Variants in CRHBP observed in about 807,000 individuals in gnomAD.
The protein encoded by CRHBP is corticotropin-releasing hormone-binding protein.
CRHBP carries 19 observed loss-of-function variants against 34.9 expected under a neutral mutation model. That is an observed-to-expected ratio of 0.55 (90% CI 0.38 to 0.80). The LOEUF is 0.80. Ranked by LOEUF, CRHBP falls within the 30% of genes least tolerant of loss-of-function variation. The pLI, the probability that CRHBP is intolerant of heterozygous loss-of-function variation, is 0.00. For missense variants in CRHBP, 328 were observed against 409.2 expected (o/e 0.80, Z 1.71); for synonymous variants, 154 against 153.4 (o/e 1.00, Z -0.03).
chr5:76,969,710 C>G (rs114473677), downstream of CRHBP, among the ~76,000 whole-genome samples: 2 of 152,184 alleles, frequency 1.3e-5, no homozygotes, highest in African/African-American at 4.8e-5. Context: ...TTTCCGCTAT[C>G]CTCAGAATAC....
intron 5 of CRHBP, among the ~76,000 whole-genome samples, chr5:76,962,593 A>G (rs60668317): frequency 0.13 from 20,378 of 151,170 alleles, 1,593 homozygotes; most frequent in South Asian, 0.23. Flanking sequence ...GGCCTGGGCA[A>G]CATATCAAGG....
intron 5 of CRHBP, among the ~76,000 whole-genome samples, chr5:76,962,062 C>G (rs769436142): frequency 2.6e-5 from 4 of 152,054 alleles, no homozygotes; most frequent in Non-Finnish European, 5.9e-5. Context: ...CAGTGCCCTT[C>G]TAAATGCCTG....
downstream of CRHBP, among the ~76,000 whole-genome samples, chr5:76,970,968 G>A (rs1489413686): frequency 6.6e-6 from 1 of 152,198 alleles, no homozygotes; most frequent in African/African-American, 2.4e-5. Flanking sequence ...CTGGTGAACT[G>A]TCCATGTCTT....
downstream of CRHBP, among the ~76,000 whole-genome samples, chr5:76,973,545 T>G (rs1292687434): frequency 6.6e-6 from 1 of 152,256 alleles, no homozygotes; most frequent in Non-Finnish European, 1.5e-5. Flanking sequence ...AAGTCAGTTT[T>G]ATATCAGTCT....
chr5:76,970,700 C>T (rs1332893350), downstream of CRHBP, among the ~76,000 whole-genome samples: 1 of 152,188 alleles, frequency 6.6e-6, no homozygotes, highest in East Asian at 1.9e-4. Flanking sequence ...TTACTTTTAT[C>T]ACCATCAGAA....
intron 3 of CRHBP, among the ~76,000 whole-genome samples, chr5:76,954,632 G>T (rs952851422): frequency 5.9e-5 from 9 of 152,188 alleles, no homozygotes; most frequent in Admixed American, 3.9e-4. Context: ...AGCCCGCCTC[G>T]CTCCTGCTGG....
In CRHBP at chr5:76,956,005, T is replaced by A. The variant is rs570753420; in HGVS notation, c.544+142T>A. On this transcript the variant is annotated intron_variant, in intron 4 of 6. Coordinates refer to ENST00000274368, the MANE Select transcript of CRHBP (RefSeq NM_001882.4). The stretch of plus-strand genomic sequence containing the variant: ...TTGTAATTAGAAATGACCTAAAGGA[T>A]AGTTTCTATTCTTTATTATGAAAAT... The A allele has an allele frequency of 6.0e-6, 4 of 672,074 alleles. No homozygotes were observed. In the South Asian group the frequency reaches 8.3e-5, roughly 14 times the overall value. 41.6% of individuals were successfully genotyped at this position (672,074 alleles called of 1,614,324 possible).
At chr5:76,958,494 C>T (rs2150706048) in intron 4 of CRHBP, among the ~76,000 whole-genome samples, 1 of 152,160 alleles carries the variant, frequency 6.6e-6, no homozygotes, top group East Asian at 1.9e-4. Flanking sequence ...CAAGGTAACC[C>T]CCTAAGATTA....
chr5:76,975,840 A>ATG, intron 2 of CRHBP, among the ~76,000 whole-genome samples: 1 of 100,096 alleles, frequency 1.0e-5, no homozygotes, highest in Non-Finnish European at 1.8e-5. Context: ...ATATATATAT[A>ATG]TATATACACG....
intron 3 of CRHBP, among the ~76,000 whole-genome samples, chr5:76,979,962 G>C (rs1329620784): frequency 6.6e-6 from 1 of 152,052 alleles, no homozygotes; most frequent in Non-Finnish European, 1.5e-5. Flanking sequence ...TTAGAAAGCA[G>C]TGGGGCCGGC....
At chr5:76,953,580 C>G (rs780026861) in intron 1 of CRHBP, 21 bp from the exon 2 acceptor site, 19 of 1,608,078 alleles carry the variant, frequency 1.2e-5, no homozygotes, top group Admixed American at 1.7e-5. Flanking sequence ...CTTTTCCGGA[C>G]TGACCTATGT....
At chr5:76,962,324 A>G (rs1428209744) in intron 5 of CRHBP, among the ~76,000 whole-genome samples, 1 of 152,218 alleles carries the variant, frequency 6.6e-6, no homozygotes, top group African/African-American at 2.4e-5. Context: ...AACCAAGCAT[A>G]GAGCCCTTCT....
chr5:76,975,825 A>AAAAAATATATATATATATATAT, intron 2 of CRHBP, among the ~76,000 whole-genome samples: 1 of 61,856 alleles, frequency 1.6e-5, no homozygotes, highest in African/African-American at 9.1e-5. Context: ...AAAAAAAAAA[A>AAAAAATATATATATATATATAT]ATATATATAT....
rs763898780 is a variant in CRHBP, at chr5:76,968,932, A to T, written c.*47A>T. 6.3e-7 allele frequency: 1 copy of T among 1,592,384 alleles called. No homozygotes were observed. The highest frequency in any genetic ancestry group is 8.6e-7 in the Non-Finnish European group (1 of 1,166,294). On this transcript the variant is annotated 3_prime_UTR_variant, in exon 7 of 7. Transcript: ENST00000274368. ...ATGCTGATAGCTAAGTGAGTTTTTA[A>T]TGGCCATTGTGTATGATTTTGATGC...
intron 5 of CRHBP, among the ~76,000 whole-genome samples, chr5:76,962,481 G>A (rs958473977): frequency 2.0e-5 from 3 of 151,588 alleles, no homozygotes; most frequent in African/African-American, 7.3e-5. Context: ...ACAAGACAGT[G>A]TGGAAAAAAT....
intron 5 of CRHBP, among the ~76,000 whole-genome samples, chr5:76,959,626 C>T (rs1745744630): frequency 6.6e-6 from 1 of 152,160 alleles, no homozygotes; most frequent in Non-Finnish European, 1.5e-5. Context: ...AGTCATAATT[C>T]CTAATCAGAC....
rs1479504843 is a variant in CRHBP, at chr5:76,969,107, AC to A, written c.*226del. 2 of 433,726 alleles carry A rather than the reference AC, an allele frequency of 4.6e-6. No homozygotes were observed. The highest frequency in any genetic ancestry group is 8.1e-6 in the Non-Finnish European group (2 of 248,332). 26.9% of individuals were successfully genotyped at this position (433,726 alleles called of 1,614,324 possible). ...GTAAATGAACACATGGCAGAAAATA[AC>A]CCCTGATTGGTAGGATCATAGTTCT... On this transcript the variant is annotated 3_prime_UTR_variant, in exon 7 of 7. Coordinates refer to ENST00000274368, the MANE Select transcript of CRHBP (RefSeq NM_001882.4).
intron 6 of CRHBP, among the ~76,000 whole-genome samples, chr5:76,967,106 G>A (rs192267550): frequency 6.6e-6 from 1 of 152,236 alleles, no homozygotes; most frequent in East Asian, 1.9e-4. Context: ...GCCAGGTGTG[G>A]TGGCACACAA....
intron 3 of CRHBP, among the ~76,000 whole-genome samples, chr5:76,976,951 G>A (rs1310005036): frequency 6.6e-6 from 1 of 152,104 alleles, no homozygotes; most frequent in Non-Finnish European, 1.5e-5. Context: ...GAAGATGGTA[G>A]ATCAACTCTG....
Sources: gnomAD v4.1 joint callset for allele counts (sites outside exome capture counted in the v4.1 genomes callset) on GRCh38, gnomAD v4.1.1 for gene constraint, MANE v1.5 for transcripts, NCBI Gene and HGNC (gene_info 2026-07-23, HGNC 2026-07-21) for gene names.